Variants in OSBP2 observed in about 807,000 individuals in gnomAD.
OSBP2 encodes oxysterol-binding protein 2.
Under a neutral mutation model 96.0 loss-of-function variants are expected in OSBP2, and 66 were observed. The observed-to-expected ratio is 0.69, with a 90% CI of 0.56 to 0.84. OSBP2 has a LOEUF of 0.84. OSBP2 is among the 40% of genes least tolerant of loss of function. The pLI is 0.00. For synonymous variants in OSBP2, 525 were observed against 520.9 expected, an observed-to-expected ratio of 1.01 and a Z score of -0.11; for missense variants, 1,038 against 1,222.7, an observed-to-expected ratio of 0.85 and a Z score of 2.25.
At chr22:30,701,738 G>A (rs1456665624) in intron 1 of OSBP2, among the ~76,000 whole-genome samples, 1 of 152,190 alleles carries the variant, frequency 6.6e-6, no homozygotes, top group African/African-American at 2.4e-5. Flanking sequence ...GGGTGCAAGT[G>A]TGCAGGGTTA....
chr22:30,867,310 C>T (rs2039360411), intron 2 of OSBP2, among the ~76,000 whole-genome samples: 1 of 152,180 alleles, frequency 6.6e-6, no homozygotes, highest in Non-Finnish European at 1.5e-5. Context: ...TTGGTCTGTG[C>T]CAGAGGCCCC....
chr22:30,800,176 A>C (rs2090829517), intron 2 of OSBP2, among the ~76,000 whole-genome samples: 1 of 152,112 alleles, frequency 6.6e-6, no homozygotes, highest in African/African-American at 2.4e-5. Flanking sequence ...AGCCCCTCTT[A>C]GTGGTATTGT....
At position 30,790,116 on chromosome 22, in the gene OSBP2, TGGAGTGGCCCATTG is replaced by T. The variant is rs1480054435; in HGVS notation, c.853+48750_853+48763del. On this transcript the variant is annotated intron_variant, in intron 2 of 13. Transcript: ENST00000332585. ...CCTTGGGTCAGCAGATGGGTTTTGT[TGGAGTGGCCCATTG>T]GGTGTGGGTGTCTTGGGCTGGAGGT... 2.0e-5 allele frequency among the ~76,000 whole-genome samples: 3 copies of T among 152,238 alleles called. No homozygotes were observed. The East Asian group carries it at 5.8e-4, about 29-fold the overall frequency.
At chr22:30,739,662 C>A (rs552548657) in intron 1 of OSBP2, among the ~76,000 whole-genome samples, 11 of 151,784 alleles carry the variant, frequency 7.2e-5, no homozygotes, top group Non-Finnish European at 8.8e-5. Context: ...TTTGTAAACG[C>A]CCAAGGGGTT....
chr22:30,825,425 G>T (rs569748339), intron 2 of OSBP2, among the ~76,000 whole-genome samples: 6 of 152,294 alleles, frequency 3.9e-5, no homozygotes, highest in Non-Finnish European at 7.3e-5. Context: ...TGGCAAGGTT[G>T]CTGGGAGGTT....
chr22:30,756,809 G>A (rs2090146568), intron 2 of OSBP2, among the ~76,000 whole-genome samples: 1 of 152,196 alleles, frequency 6.6e-6, no homozygotes, highest in Admixed American at 6.5e-5. Context: ...GCTGACGGAA[G>A]TAACATTGTC....
chr22:30,694,360 G>A (rs1192511488), upstream of OSBP2: 4 of 1,529,078 alleles, frequency 2.6e-6, no homozygotes, highest in Admixed American at 4.4e-5. Context: ...GGCTGCCATG[G>A]GGGGCGGGGC....
chr22:30,787,716 C>G (rs2090613341), intron 2 of OSBP2, among the ~76,000 whole-genome samples: 1 of 152,096 alleles, frequency 6.6e-6, no homozygotes, highest in South Asian at 2.1e-4. Flanking sequence ...GAACTGCCCC[C>G]ATGATTCAGT....
In OSBP2 at chr22:30,887,649, A is replaced by G. The variant is rs767274193; in HGVS notation, c.1300+31A>G. 4 of 1,531,374 alleles carry G rather than the reference A, an allele frequency of 2.6e-6. No individual in the cohort carries two copies. The South Asian group carries it at 4.7e-5, about 18-fold the overall frequency. 94.9% of individuals were successfully genotyped at this position (1,531,374 alleles called of 1,614,324 possible). ...TGGGCAGCCAGGGCAGGGCTGTCCC[A>G]TGACCTTCTGCCAGCTGGCTCTGCA... On this transcript the variant is annotated intron_variant, in intron 4 of 13. Coordinates refer to ENST00000332585, the MANE Select transcript of OSBP2 (RefSeq NM_030758.4).
At chr22:30,792,083 G>T (rs1010878173) in intron 2 of OSBP2, among the ~76,000 whole-genome samples, 2 of 152,118 alleles carry the variant, frequency 1.3e-5, no homozygotes, top group African/African-American at 4.8e-5. Flanking sequence ...AGGCTGAGAT[G>T]GGTGGATCAC....
chr22:30,842,146 C>T (rs543073852), intron 2 of OSBP2, among the ~76,000 whole-genome samples: 9 of 152,126 alleles, frequency 5.9e-5, no homozygotes, highest in South Asian at 4.2e-4. Flanking sequence ...AGAGTTTTAT[C>T]GTGTCACCCA....
intron 2 of OSBP2, among the ~76,000 whole-genome samples, chr22:30,745,035 A>G (rs1433205247): frequency 2.6e-5 from 4 of 152,224 alleles, no homozygotes; most frequent in Non-Finnish European, 4.4e-5. Context: ...TAGAAAATGC[A>G]TGGAAGTTAA....
At position 30,905,817 on chromosome 22, in the gene OSBP2, C is replaced by T. The variant is rs765248072; in HGVS notation, c.2376-20C>T. ...CGGCTCACACCGCAGCCACCGCCACCGCCACCACCACCGCCACAGGGAGAA... is the reference window on the plus strand; with the variant it reads ...CGGCTCACACCGCAGCCACCGCCACTGCCACCACCACCGCCACAGGGAGAA... On this transcript the variant is annotated intron_variant, in intron 12 of 13. Transcript: ENST00000332585. 2.4e-5 allele frequency: 38 copies of T among 1,610,376 alleles called. No homozygotes were observed. The South Asian group carries it at 3.4e-4, about 14-fold the overall frequency.
At chr22:30,804,900 T>C (rs2090906404) in intron 2 of OSBP2, among the ~76,000 whole-genome samples, 1 of 152,332 alleles carries the variant, frequency 6.6e-6, no homozygotes, top group Admixed American at 6.5e-5. Context: ...AACTAAGCAG[T>C]AGGACATCGT....
chr22:30,878,788 C>T (rs935815759), intron 3 of OSBP2, among the ~76,000 whole-genome samples: 3 of 152,124 alleles, frequency 2.0e-5, no homozygotes, highest in African/African-American at 4.8e-5. Context: ...GGGGTGCCTG[C>T]GACATCCTGA....
Position 30,730,806 on chromosome 22 carries a change from AT to A in OSBP2, c.645-10354del, listed in dbSNP as rs1326520897. Among the ~76,000 whole-genome samples, 191 of 41,536 alleles carry A rather than the reference AT, an allele frequency of 4.6e-3. 15 individuals carry two copies. Among genetic ancestry groups the A allele is most frequent in the African/African-American group, 0.023 (177 of 7,734 alleles). 27.2% of individuals were successfully genotyped at this position (41,536 alleles called of 152,430 possible). A position where few individuals can be genotyped will look rare whatever the true frequency, so the allele number is the denominator to read the frequency against. ...TATATATATATATATATATATATAT[AT>A]AATTTTTTTTTTTTTTCCCATGGAC... On this transcript the variant is annotated intron_variant, in intron 1 of 13. Transcript: ENST00000332585.
intron 2 of OSBP2, among the ~76,000 whole-genome samples, chr22:30,795,589 G>A (rs879800324): frequency 1.2e-4 from 18 of 145,588 alleles, no homozygotes; most frequent in Admixed American, 2.1e-4. Flanking sequence ...GTATGATCTC[G>A]GCTCACCACA....
chr22:30,825,084 G>A (rs1404766605), intron 2 of OSBP2, among the ~76,000 whole-genome samples: 1 of 152,190 alleles, frequency 6.6e-6, no homozygotes, highest in East Asian at 1.9e-4. Flanking sequence ...AGCATGTGAG[G>A]AGCCCTGGGC....
In OSBP2 at chr22:30,907,483, TC is replaced by T. The variant is rs1375679231; in HGVS notation, c.*1145del. The T allele has an allele frequency of 6.6e-6, 1 of 152,316 alleles. No homozygotes were observed. Among genetic ancestry groups the T allele is most frequent in the African/African-American group, 2.4e-5 (1 of 41,412 alleles). 9.4% of individuals were successfully genotyped at this position (152,316 alleles called of 1,614,324 possible). A position where few individuals can be genotyped will look rare whatever the true frequency, so the allele number is the denominator to read the frequency against. ...CTCCTCATGCCCCCTTCCAGCGGCTTCTGCCAACCATGGGGGGCTGGACCAC... is the reference window on the plus strand; with the variant it reads ...CTCCTCATGCCCCCTTCCAGCGGCTTTGCCAACCATGGGGGGCTGGACCAC... On this transcript the variant is annotated 3_prime_UTR_variant, in exon 14 of 14. Transcript: ENST00000332585.
Sources: gnomAD v4.1 joint callset for allele counts (sites outside exome capture counted in the v4.1 genomes callset) on GRCh38, gnomAD v4.1.1 for gene constraint, MANE v1.5 for transcripts, NCBI Gene and HGNC (gene_info 2026-07-23, HGNC 2026-07-21) for gene names.